The following KLHL1 variants were observed in gnomAD, a reference collection of about 807,000 sequenced individuals.
KLHL1 encodes kelch like family member 1.
KLHL1 carries 47 observed loss-of-function variants against 77.7 expected under a neutral mutation model. That is an observed-to-expected ratio of 0.60 (90% confidence interval 0.48 to 0.77). KLHL1 has a LOEUF of 0.77. Ranked by LOEUF, KLHL1 falls within the 30% of genes least tolerant of loss-of-function variation. The pLI, the probability that KLHL1 is intolerant of heterozygous loss-of-function variation, is 0.00. For synonymous variants in KLHL1, 360 were observed against 325.2 expected (o/e 1.11, Z -1.15); for missense variants, 925 against 910.8 (o/e 1.02, Z -0.20).
intron 3 of KLHL1, among the ~76,000 whole-genome samples, chr13:69,955,943 T>TG: frequency 1.0e-5 from 1 of 97,534 alleles, no homozygotes; most frequent in Non-Finnish European, 2.4e-5. Context: ...TTGATATATA[T>TG]TTATATATAT....
intron 1 of KLHL1, among the ~76,000 whole-genome samples, chr13:69,985,871 CTG>C (rs57793968): frequency 0.96 from 139,474 of 145,206 alleles, 67,348 homozygotes; most frequent in Non-Finnish European, 0.99. Context: ...TAGTATTCCA[CTG>C]TGTGTGTGTG....
rs530846862 is a variant in KLHL1, at chr13:69,877,036, C to CAA, written c.1227+5245_1227+5246dup. ...TGGGCAACAAGAGCATAACTCTGTCCAAAAAAAAAAAGATATAAACACTAC... is the reference window on the plus strand; with the variant it reads ...TGGGCAACAAGAGCATAACTCTGTCCAAAAAAAAAAAAAGATATAAACACTAC... On this transcript the variant is annotated intron_variant, in intron 5 of 10. Coordinates refer to ENST00000377844, the MANE Select transcript of KLHL1 (RefSeq NM_020866.3). 5.5e-3 allele frequency among the ~76,000 whole-genome samples: 788 copies of CAA among 142,016 alleles called. 10 individuals are homozygous for CAA. The highest frequency in any genetic ancestry group is 0.019 in the African/African-American group (727 of 38,954). The allele number at this position is 142,016 out of a possible 152,430, so 93.2% of individuals were successfully genotyped here.
intron 9 of KLHL1, among the ~76,000 whole-genome samples, chr13:69,712,325 A>G (rs541170879): frequency 6.6e-6 from 1 of 151,554 alleles, no homozygotes; most frequent in Non-Finnish European, 1.5e-5. Context: ...TATGGGTAAT[A>G]TTTAAATCTA....
chr13:69,932,883 G>A (rs1363893941), intron 4 of KLHL1, among the ~76,000 whole-genome samples: 2 of 151,808 alleles, frequency 1.3e-5, no homozygotes, highest in African/African-American at 4.8e-5. Flanking sequence ...TTACATAATG[G>A]GTAGCAATTG....
At position 69,896,337 on chromosome 13, in the gene KLHL1, A is replaced by C. The variant is rs934242482; in HGVS notation, c.1015-13842T>G. Among the ~76,000 whole-genome samples the C allele has an allele frequency of 3.3e-5, 5 of 152,120 alleles. No individual in the cohort carries two copies. In the South Asian group the frequency reaches 1.0e-3, roughly 32 times the overall value. ...TACACTTGACTAATCCTGGATATTC[A>C]CTGTATCTTATCGTTGGTTAATTAG... On this transcript the variant is annotated intron_variant, in intron 4 of 10. Coordinates refer to ENST00000377844, the MANE Select transcript of KLHL1 (RefSeq NM_020866.3).
intron 8 of KLHL1, among the ~76,000 whole-genome samples, chr13:69,735,279 C>T (rs1873715965): frequency 6.6e-6 from 1 of 151,334 alleles, no homozygotes; most frequent in African/African-American, 2.4e-5. Flanking sequence ...ATATCAGAGA[C>T]TATAAAGCAC....
intron 9 of KLHL1, among the ~76,000 whole-genome samples, chr13:69,710,478 A>T (rs2137878527): frequency 6.6e-6 from 1 of 152,146 alleles, no homozygotes; most frequent in Admixed American, 6.6e-5. Flanking sequence ...AAACCAAACC[A>T]AAACAAAATC....
At chr13:69,875,829 C>A (rs1041259147) in intron 5 of KLHL1, among the ~76,000 whole-genome samples, 5 of 151,580 alleles carry the variant, frequency 3.3e-5, no homozygotes, top group Non-Finnish European at 5.9e-5. Context: ...TTTAAGATTT[C>A]TTTTGGAGAA....
Position 69,707,672 on chromosome 13 carries a change from G to C in KLHL1, c.2140C>G (p.Leu714Val). 1.2e-6 allele frequency: 2 copies of C among 1,612,552 alleles called. No homozygotes were observed. The highest frequency in any genetic ancestry group is 1.7e-6 in the Non-Finnish European group (2 of 1,179,074). Residue 714 changes from leucine (L) to valine (V), a missense_variant, in exon 10 of 11, where the codon CTC (leucine) becomes GTC (valine). Transcript: ENST00000377844. ...GGGTCATAGGATTCCATAGTGTTGA[G>C]GTATGTCTGTCCATCATAGCCACCA... ...AVGGYDGQTY[L>V]NTMESYDPQT...
chr13:69,809,451 CCAAA>C (rs2138059502), intron 6 of KLHL1, among the ~76,000 whole-genome samples: 1 of 152,140 alleles, frequency 6.6e-6, no homozygotes, highest in South Asian at 2.1e-4. Context: ...TCATATTCTC[CCAAA>C]CAAAGCTTCA....
chr13:69,808,534 A>G (rs975456300), intron 6 of KLHL1, among the ~76,000 whole-genome samples: 31 of 150,216 alleles, frequency 2.1e-4, no homozygotes, highest in African/African-American at 7.5e-4. Context: ...CATATCCCCA[A>G]GGTAAAAAAA....
intron 1 of KLHL1, among the ~76,000 whole-genome samples, chr13:70,021,725 ACT>A (rs1033052654): frequency 7.3e-5 from 11 of 151,720 alleles, no homozygotes; most frequent in Admixed American, 4.6e-4. Flanking sequence ...AGCCCCAAAG[ACT>A]CTTCACATCA....
chr13:69,955,512 C>G (rs190787293), intron 3 of KLHL1, among the ~76,000 whole-genome samples: 1 of 151,380 alleles, frequency 6.6e-6, no homozygotes. Flanking sequence ...CTTATCAGTT[C>G]TCTACAGGAC....
At chr13:70,065,258 T>C (rs1287016869) in intron 1 of KLHL1, among the ~76,000 whole-genome samples, 2 of 152,190 alleles carry the variant, frequency 1.3e-5, no homozygotes, top group Non-Finnish European at 2.9e-5. Context: ...TTACTAAAAA[T>C]TGACCATACT....
intron 10 of KLHL1, among the ~76,000 whole-genome samples, chr13:69,704,149 T>C (rs1246071828): frequency 1.3e-5 from 2 of 151,610 alleles, no homozygotes; most frequent in African/African-American, 4.8e-5. Flanking sequence ...TATAGATGCA[T>C]GTGTGTATGT....
At chr13:69,779,285 T>A (rs1033229670) in intron 7 of KLHL1, among the ~76,000 whole-genome samples, 8 of 152,254 alleles carry the variant, frequency 5.3e-5, no homozygotes, top group Admixed American at 4.6e-4. Flanking sequence ...AGTTTTACAA[T>A]TTATAAATCA....
rs67195697 is a variant in KLHL1 at position 69,934,962 on chromosome 13, G to GTATATA, written c.1014+5072_1014+5077dup. ...AAATTTACCGTGTGTGTGTGCATGTGTATATATATATATATATATATATAT... is the reference window on the plus strand; with the variant it reads ...AAATTTACCGTGTGTGTGTGCATGTGTATATATATATATATATATATATATATATAT... On this transcript the variant is annotated intron_variant, in intron 4 of 10. Coordinates refer to ENST00000377844, the MANE Select transcript of KLHL1 (RefSeq NM_020866.3). Among the ~76,000 whole-genome samples the GTATATA allele has an allele frequency of 6.9e-3, 894 of 129,750 alleles. 19 individuals are homozygous for GTATATA. The highest frequency in any genetic ancestry group is 0.014 in the African/African-American group (467 of 32,768). 85.1% of individuals were successfully genotyped at this position (129,750 alleles called of 152,430 possible).
At chr13:69,811,707 G>C (rs915841743) in intron 6 of KLHL1, among the ~76,000 whole-genome samples, 2 of 152,082 alleles carry the variant, frequency 1.3e-5, no homozygotes, top group African/African-American at 2.4e-5. Context: ...CTGATTATAT[G>C]ATTCTATGCT....
intron 7 of KLHL1, among the ~76,000 whole-genome samples, chr13:69,795,575 T>A (rs1294612033): frequency 6.6e-6 from 1 of 152,214 alleles, no homozygotes; most frequent in Non-Finnish European, 1.5e-5. Flanking sequence ...ATTAAATTGT[T>A]CTTTATAATA....
Sources: gnomAD v4.1 joint callset for allele counts (sites outside exome capture counted in the v4.1 genomes callset) on GRCh38, gnomAD v4.1.1 for gene constraint, MANE v1.5 for transcripts, NCBI Gene and HGNC (gene_info 2026-07-23, HGNC 2026-07-21) for gene names.